Variants in PDE1A observed in about 807,000 individuals in gnomAD.
The protein encoded by PDE1A is phosphodiesterase 1A.
A neutral mutation model predicts 61.7 loss-of-function variants in PDE1A; 35 were observed. The ratio of observed to expected loss-of-function variants is 0.57; its 90% CI spans 0.43 to 0.75. The LOEUF is 0.75. PDE1A is among the 30% of genes least tolerant of loss of function. PDE1A has a pLI of 0.00. For synonymous variants in PDE1A, 232 were observed against 213.2 expected, an observed-to-expected ratio of 1.09 and a Z score of -0.77; for missense variants, 597 against 630.6, an observed-to-expected ratio of 0.95 and a Z score of 0.57.
At chr2:182,639,108 A>G in the PDE1A span, among the ~76,000 whole-genome samples, 1 of 152,236 alleles carries the variant, frequency 6.6e-6, no homozygotes, top group Non-Finnish European at 1.5e-5. Flanking sequence ...TAAGTAGATA[A>G]AAACTTGGAT....
the PDE1A span, among the ~76,000 whole-genome samples, chr2:182,532,569 G>A: frequency 6.6e-6 from 1 of 152,050 alleles, no homozygotes; most frequent in Non-Finnish European, 1.5e-5. Flanking sequence ...ATCTTACTGG[G>A]GTAATGAAAA....
intron 1 of PDE1A, among the ~76,000 whole-genome samples, chr2:182,338,913 C>A (rs1241056596): frequency 6.6e-6 from 1 of 152,108 alleles, no homozygotes; most frequent in Non-Finnish European, 1.5e-5. Flanking sequence ...ATAGTAGCAA[C>A]CAATATTTCA....
chr2:182,231,157 A>G (rs747606955), intron 4 of PDE1A, 26 bp from the exon 5 acceptor site: 1 of 1,111,226 alleles, frequency 9.0e-7, no homozygotes, highest in Non-Finnish European at 1.4e-6. Flanking sequence ...TAAATACTTT[A>G]GGTGCCAATA....
the PDE1A span, among the ~76,000 whole-genome samples, chr2:182,593,315 C>G: frequency 1.3e-5 from 2 of 152,170 alleles, no homozygotes; most frequent in African/African-American, 2.4e-5. Flanking sequence ...CAAGTCTGCA[C>G]TTGAATCCAG....
intron 11 of PDE1A, among the ~76,000 whole-genome samples, chr2:182,186,876 G>C (rs187681958): frequency 6.6e-6 from 1 of 152,116 alleles, no homozygotes; most frequent in African/African-American, 2.4e-5. Context: ...TATAATATAC[G>C]ATTGCTAACA....
chr2:182,612,283 A>C, the PDE1A span, among the ~76,000 whole-genome samples: 1 of 152,216 alleles, frequency 6.6e-6, no homozygotes. Flanking sequence ...ATTCAAGACA[A>C]AAAAAGGTCT....
chr2:182,412,798 A>G (rs1278120944), intron 1 of PDE1A, among the ~76,000 whole-genome samples: 2 of 152,226 alleles, frequency 1.3e-5, no homozygotes, highest in African/African-American at 4.8e-5. Flanking sequence ...GGTCTTAGCC[A>G]TCAAGTTTAC....
chr2:182,168,370 T>C (rs1363197313), intron 13 of PDE1A: 2 of 1,282,354 alleles, frequency 1.6e-6, no homozygotes, highest in Non-Finnish European at 1.1e-6. Context: ...GTAATTCTCA[T>C]TTATAATCAG....
intron 9 of PDE1A, 27 bp downstream of exon 9, chr2:182,201,661 A>AAAAAAAAAC: frequency 6.4e-7 from 1 of 1,555,402 alleles, no homozygotes; most frequent in Non-Finnish European, 8.7e-7. Flanking sequence ...AAAAAAAAAA[A>AAAAAAAAAC]AACAACAAAA....
At chr2:182,407,435 A>T (rs979993998) in intron 1 of PDE1A, among the ~76,000 whole-genome samples, 13 of 151,908 alleles carry the variant, frequency 8.6e-5, no homozygotes, top group African/African-American at 2.9e-4. Context: ...AGGCTGGAGT[A>T]CAGTGGTGCC....
chr2:182,576,623 T>A, the PDE1A span, among the ~76,000 whole-genome samples: 1 of 152,186 alleles, frequency 6.6e-6, no homozygotes, highest in Admixed American at 6.5e-5. Flanking sequence ...CTAATTTTAA[T>A]TTTTTGAGGA....
chr2:182,218,607 G>C (rs79417746), intron 7 of PDE1A, among the ~76,000 whole-genome samples: 4,719 of 152,052 alleles, frequency 0.031, 242 homozygotes, highest in African/African-American at 0.11. Context: ...CTCTAGTATA[G>C]ATATTCTTTA....
chr2:182,332,349 C>T (rs1697470699), intron 1 of PDE1A, among the ~76,000 whole-genome samples: 1 of 152,184 alleles, frequency 6.6e-6, no homozygotes, highest in Admixed American at 6.5e-5. Context: ...AAGCCTACTT[C>T]TGTCAATTCA....
intron 1 of PDE1A, among the ~76,000 whole-genome samples, chr2:182,310,871 T>C (rs1695921107): frequency 6.6e-6 from 1 of 152,236 alleles, no homozygotes; most frequent in African/African-American, 2.4e-5. Context: ...GACCATGTTC[T>C]GGCCAATAGA....
Position 182,426,253 on chromosome 2 carries a change from G to A in PDE1A, c.53+325C>T, listed in dbSNP as rs966471199. ...ATCAGTTGAAAGAACTAAGCACAAC[G>A]TTTCCTATTTAGAGGGCTGTGCAAC... On this transcript the variant is annotated intron_variant, in intron 1 of 13. Transcript: ENST00000351439. 1.3e-5 allele frequency among the ~76,000 whole-genome samples: 2 copies of A among 152,172 alleles called. 1 individual carries two copies. The highest frequency in any genetic ancestry group is 4.1e-4 in the South Asian group (2 of 4,832).
At position 182,255,301 on chromosome 2, in the gene PDE1A, T is replaced by C. The variant is rs142765810; in HGVS notation, c.167+9000A>G. Among the ~76,000 whole-genome samples the C allele has an allele frequency of 2.0e-3, 305 of 152,328 alleles. 1 individual carries two copies. Among genetic ancestry groups the C allele is most frequent in the African/African-American group, 7.0e-3 (292 of 41,588 alleles). ...GGTTTCCTATCACTTACAATTGAAA[T>C]ATTAATAAAAGCCGTTCATTAGCCC... is the stretch of plus-strand genomic sequence containing the variant. On this transcript the variant is annotated intron_variant, in intron 2 of 13. Coordinates refer to ENST00000351439, the Ensembl canonical transcript of PDE1A.
intron 10 of PDE1A, among the ~76,000 whole-genome samples, chr2:182,199,638 G>C (rs532582677): frequency 6.6e-6 from 1 of 152,114 alleles, no homozygotes; most frequent in Non-Finnish European, 1.5e-5. Flanking sequence ...TTGATTGATT[G>C]AGTATATCAT....
At chr2:182,240,026 T>C (rs973988347) in intron 3 of PDE1A, 84 bp downstream of exon 3, 3 of 1,207,252 alleles carry the variant, frequency 2.5e-6, no homozygotes, top group Admixed American at 4.5e-5. Context: ...AAGTGAAATA[T>C]AGACTGCTCA....
chr2:182,340,915 G>A (rs1698141471), intron 1 of PDE1A, among the ~76,000 whole-genome samples: 1 of 152,148 alleles, frequency 6.6e-6, no homozygotes, highest in South Asian at 2.1e-4. Context: ...AAAATGGAGA[G>A]TTTGGATACG....
Sources: allele counts gnomAD v4.1 joint callset (sites outside exome capture counted in the v4.1 genomes callset), GRCh38; gene constraint gnomAD v4.1.1; transcripts MANE v1.5; gene names NCBI Gene and HGNC (gene_info 2026-07-23, HGNC 2026-07-21).